The following KALRN variants were observed in gnomAD, a reference collection of about 807,000 sequenced individuals.
The protein encoded by KALRN is kalirin RhoGEF kinase, also known as kalirin.
A neutral mutation model predicts 353.7 loss-of-function variants in KALRN; 70 were observed. That is an observed-to-expected ratio of 0.20 (90% confidence interval 0.16 to 0.24). The LOEUF (loss-of-function observed/expected upper bound fraction) is 0.24. Ranked by LOEUF, KALRN falls within the 10% of genes least tolerant of loss-of-function variation. KALRN has a pLI of 1.00. For missense variants in KALRN, 2,791 were observed against 3,756.7 expected (o/e 0.74, Z 6.72); for synonymous variants, 1,391 against 1,434.8 (o/e 0.97, Z 0.69).
intron 55 of KALRN, 75 bp downstream of exon 55, chr3:124,697,799 A>C: frequency 7.4e-7 from 1 of 1,352,926 alleles, no homozygotes. Flanking sequence ...AGTAAAACAC[A>C]CATAATAAAA....
intron 1 of KALRN, among the ~76,000 whole-genome samples, chr3:124,199,154 T>C (rs1380668220): frequency 2.0e-5 from 3 of 152,238 alleles, no homozygotes; most frequent in East Asian, 3.8e-4. Context: ...GGTTGGAGCA[T>C]TGATACTGCA....
intron 33 of KALRN, among the ~76,000 whole-genome samples, chr3:124,534,586 C>G (rs533323790): frequency 2.0e-5 from 3 of 151,858 alleles, no homozygotes; most frequent in Admixed American, 6.6e-5. Context: ...TGAAGGAAAC[C>G]GATGAAGAGA....
In KALRN at chr3:124,488,425, G is replaced by C. The variant is rs144974493; in HGVS notation, c.4396+110G>C. On this transcript the variant is annotated intron_variant, in intron 29 of 59. Transcript: ENST00000682506. Reference sequence around the variant, plus strand: ...TTAGACAAGGTGCAAGGCTGGAAGAGAGAAGAAATGACAAGTAGTTACATA... The same window carrying C: ...TTAGACAAGGTGCAAGGCTGGAAGACAGAAGAAATGACAAGTAGTTACATA... 344 of 746,114 alleles carry C rather than the reference G, an allele frequency of 4.6e-4. No homozygotes were observed. The African/African-American group carries it at 5.4e-3, about 12-fold the overall frequency. The allele number at this position is 746,114 out of a possible 1,614,324, so 46.2% of individuals were successfully genotyped here.
At chr3:124,138,480 C>T (rs575584919) in intron 1 of KALRN, among the ~76,000 whole-genome samples, 1 of 152,258 alleles carries the variant, frequency 6.6e-6, no homozygotes, top group African/African-American at 2.4e-5. Context: ...GCTTCACACT[C>T]AATGGGCAGA....
At chr3:124,580,663 A>C (rs971764525) in intron 34 of KALRN, among the ~76,000 whole-genome samples, 1 of 152,152 alleles carries the variant, frequency 6.6e-6, no homozygotes, top group African/African-American at 2.4e-5. Context: ...AGTCTGTCCT[A>C]GTAGCTAGCT....
At position 124,268,868 on chromosome 3, in the gene KALRN, G is replaced by A. The variant is rs1241359124; in HGVS notation, c.582G>A (p.Glu194=). 2 of 1,614,022 alleles carry A rather than the reference G, an allele frequency of 1.2e-6. No homozygotes were observed. Among genetic ancestry groups the A allele is most frequent in the African/African-American group, 2.7e-5 (2 of 74,910 alleles). Residue 194 remains glutamate (E), a synonymous_variant, in exon 5 of 60, where the codon GAG becomes GAA. Coordinates refer to ENST00000682506, the MANE Select transcript of KALRN (RefSeq NM_001388419.1). ...TCGAACTGCGGCTCTCCCTGGAGGA[G>A]TTCTTCAACAGCGCCGTGCACCTGC... is the stretch of plus-strand genomic sequence containing the variant. ...EWIELRLSLE[E]FFNSAVHLLS...
At chr3:124,378,136 C>CTT (rs1419592035) in intron 10 of KALRN, among the ~76,000 whole-genome samples, 1 of 150,666 alleles carries the variant, frequency 6.6e-6, no homozygotes, top group Non-Finnish European at 1.5e-5. Context: ...CCTTTTTTTG[C>CTT]TTTTTTGGAT....
chr3:124,590,748 G>C (rs538511835), intron 34 of KALRN, among the ~76,000 whole-genome samples: 1 of 151,996 alleles, frequency 6.6e-6, no homozygotes, highest in African/African-American at 2.4e-5. Context: ...CCTGAAGGAA[G>C]GCTCTGGAAA....
intron 16 of KALRN, among the ~76,000 whole-genome samples, chr3:124,431,089 T>G (rs2093253619): frequency 6.6e-6 from 1 of 152,222 alleles, no homozygotes; most frequent in Non-Finnish European, 1.5e-5. Context: ...ATGTACCATG[T>G]GAGGAAATGT....
At chr3:124,420,460 A>G (rs189499158) in intron 14 of KALRN, among the ~76,000 whole-genome samples, 1 of 152,334 alleles carries the variant, frequency 6.6e-6, no homozygotes, top group Non-Finnish European at 1.5e-5. Flanking sequence ...AAGTAAAGAT[A>G]AGGGTCAGGG....
chr3:124,590,184 T>A (rs1050695582), intron 34 of KALRN, among the ~76,000 whole-genome samples: 3 of 152,228 alleles, frequency 2.0e-5, no homozygotes, highest in African/African-American at 7.2e-5. Context: ...TATCATTTAT[T>A]ACCTAGATAC....
intron 34 of KALRN, among the ~76,000 whole-genome samples, chr3:124,591,181 A>G (rs1271871548): frequency 6.6e-6 from 1 of 152,190 alleles, no homozygotes; most frequent in Non-Finnish European, 1.5e-5. Flanking sequence ...GTCAGAGACC[A>G]CCATCACATC....
intron 1 of KALRN, among the ~76,000 whole-genome samples, chr3:124,169,542 G>A (rs1033073606): frequency 4.6e-5 from 7 of 152,146 alleles, no homozygotes; most frequent in African/African-American, 1.4e-4. Context: ...GGAATCCCGG[G>A]GATTGACAGA....
chr3:124,097,090 T>C (rs2061501761), intron 1 of KALRN, among the ~76,000 whole-genome samples: 1 of 152,250 alleles, frequency 6.6e-6, no homozygotes, highest in Admixed American at 6.5e-5. Flanking sequence ...TGCCCAGTTC[T>C]GGTTAATCAG....
intron 37 of KALRN, among the ~76,000 whole-genome samples, chr3:124,639,236 C>T (rs1228101759): frequency 1.4e-5 from 1 of 70,862 alleles, no homozygotes; most frequent in Non-Finnish European, 2.3e-5. Context: ...GGGTCCTACT[C>T]AGATCTCCTC....
At chr3:124,538,003 G>T (rs1025048032) in intron 33 of KALRN, among the ~76,000 whole-genome samples, 1 of 152,228 alleles carries the variant, frequency 6.6e-6, no homozygotes, top group Non-Finnish European at 1.5e-5. Context: ...CAAAAGAATT[G>T]TGAGAAACGT....
intron 1 of KALRN, among the ~76,000 whole-genome samples, chr3:124,169,814 T>G (rs142878176): frequency 6.6e-6 from 1 of 152,296 alleles, no homozygotes; most frequent in East Asian, 1.9e-4. Flanking sequence ...TCTGGGACTC[T>G]CAGTTGTCCT....
intron 51 of KALRN, among the ~76,000 whole-genome samples, chr3:124,680,066 G>T (rs2087613654): frequency 6.6e-6 from 1 of 152,218 alleles, no homozygotes; most frequent in South Asian, 2.1e-4. Context: ...TAGCAAATAA[G>T]GTGTAATTGT....
At position 124,269,028 on chromosome 3, in the gene KALRN, G is replaced by T; in HGVS notation, c.742G>T (p.Asp248Tyr). ...GCTGAAGGCCCCTGTGGAGGAGCTG[G>T]ACCGGGAGGGGCAGCGGCTGCTGCA... is the stretch of plus-strand genomic sequence containing the variant. ...KVLKAPVEEL[D>Y]REGQRLLQCI... is the part of the protein sequence containing the mutation. Residue 248 changes from aspartate (D) to tyrosine (Y), a missense_variant, in exon 5 of 60, where the codon GAC becomes TAC. By Grantham distance (160) the Asp-to-Tyr change is radical. This residue lies in a region of KALRN where 366 missense variants were observed against 489.2 expected (regional missense o/e 0.75). Coordinates refer to ENST00000682506, the MANE Select transcript of KALRN (RefSeq NM_001388419.1). The T allele has an allele frequency of 6.2e-7, 1 of 1,613,594 alleles. No individual in the cohort carries two copies. Among genetic ancestry groups the T allele is most frequent in the South Asian group, 1.1e-5 (1 of 91,040 alleles).
Sources: allele counts gnomAD v4.1 joint callset (sites outside exome capture counted in the v4.1 genomes callset), GRCh38; gene constraint gnomAD v4.1.1; regional missense constraint gnomAD v4.1.1; transcripts MANE v1.5; gene names NCBI Gene and HGNC (gene_info 2026-07-23, HGNC 2026-07-21).